Variants in PTPRN2 observed in about 807,000 individuals in gnomAD.
The protein encoded by PTPRN2 is protein tyrosine phosphatase receptor type N2, also known as receptor-type tyrosine-protein phosphatase N2.
PTPRN2 carries 74 observed loss-of-function variants against 118.8 expected under a neutral mutation model. The observed-to-expected ratio is 0.62, with a 90% CI of 0.52 to 0.76. The LOEUF is 0.76. PTPRN2 is among the 30% of genes least tolerant of loss of function. The pLI, the probability that PTPRN2 is intolerant of heterozygous loss-of-function variation, is 0.00. For missense variants in PTPRN2, 1,481 were observed against 1,394.4 expected (o/e 1.06, Z -0.99); for synonymous variants, 641 against 608.0 (o/e 1.05, Z -0.80).
intron 6 of PTPRN2, among the ~76,000 whole-genome samples, chr7:158,156,216 A>G (rs755694588): frequency 3.0e-4 from 45 of 152,160 alleles, no homozygotes; most frequent in Non-Finnish European, 5.6e-4. Context: ...CCAGTCTGAC[A>G]CTTTCTCTAT....
intron 2 of PTPRN2, among the ~76,000 whole-genome samples, chr7:158,479,591 T>G (rs1820516176): frequency 6.6e-6 from 1 of 152,150 alleles, no homozygotes; most frequent in Admixed American, 6.5e-5. Flanking sequence ...GAATAATAAC[T>G]TTTGACACCT....
chr7:158,004,067 G>A (rs1420425013), intron 11 of PTPRN2, among the ~76,000 whole-genome samples: 1 of 152,156 alleles, frequency 6.6e-6, no homozygotes, highest in Non-Finnish European at 1.5e-5. Context: ...TCGGCTCCTC[G>A]TTTGGAAAAC....
At chr7:157,566,693 C>T (rs912145945) in intron 21 of PTPRN2, among the ~76,000 whole-genome samples, 7 of 152,274 alleles carry the variant, frequency 4.6e-5, no homozygotes, top group Non-Finnish European at 7.3e-5. Context: ...ATTGACATCA[C>T]ATGCCACAAT....
chr7:157,871,548 G>A (rs1312845584), intron 12 of PTPRN2, among the ~76,000 whole-genome samples: 1 of 152,024 alleles, frequency 6.6e-6, no homozygotes, highest in East Asian at 1.9e-4. Context: ...TCTATTGGCC[G>A]ACACCACCCC....
At chr7:158,244,292 A>G (rs1413755419) in intron 3 of PTPRN2, among the ~76,000 whole-genome samples, 4 of 152,242 alleles carry the variant, frequency 2.6e-5, no homozygotes, top group African/African-American at 4.8e-5. Context: ...GTAGTAGCAC[A>G]GAAGTTGGAA....
intron 17 of PTPRN2, among the ~76,000 whole-genome samples, chr7:157,579,576 C>T (rs547442050): frequency 4.6e-5 from 7 of 152,344 alleles, no homozygotes; most frequent in African/African-American, 1.2e-4. Context: ...CACTCGGCTC[C>T]GTGCCACCCA....
chr7:158,098,095 G>A (rs1814794863), intron 10 of PTPRN2, among the ~76,000 whole-genome samples: 1 of 152,336 alleles, frequency 6.6e-6, no homozygotes, highest in African/African-American at 2.4e-5. Context: ...GGGCCCGGGT[G>A]AGGCACAGGA....
intron 11 of PTPRN2, among the ~76,000 whole-genome samples, chr7:158,053,862 ACG>A (rs1809537628): frequency 1.4e-5 from 2 of 147,570 alleles, no homozygotes; most frequent in African/African-American, 5.3e-5. Context: ...GACTCCAGAG[ACG>A]CAGAGACCCC....
chr7:158,053,084 C>T (rs529687327), intron 11 of PTPRN2, among the ~76,000 whole-genome samples: 3 of 152,348 alleles, frequency 2.0e-5, no homozygotes, highest in African/African-American at 7.2e-5. Context: ...CAGTCTCTCT[C>T]AGTCCTGGGA....
intron 12 of PTPRN2, among the ~76,000 whole-genome samples, chr7:157,789,561 C>T (rs1804297242): frequency 1.3e-5 from 2 of 152,252 alleles, no homozygotes; most frequent in South Asian, 4.1e-4. Flanking sequence ...CAAGGGAATT[C>T]AGCCACACAC....
intron 12 of PTPRN2, among the ~76,000 whole-genome samples, chr7:157,814,004 C>A (rs972426962): frequency 6.6e-6 from 1 of 152,236 alleles, no homozygotes; most frequent in African/African-American, 2.4e-5. Flanking sequence ...GGGGATTGTT[C>A]TGCCCCAATG....
chr7:158,297,456 C>T (rs928073115), intron 3 of PTPRN2, among the ~76,000 whole-genome samples: 1 of 152,194 alleles, frequency 6.6e-6, no homozygotes, highest in Non-Finnish European at 1.5e-5. Flanking sequence ...TTCAGCAACC[C>T]TCAGCCCATG....
At chr7:158,202,735 T>C (rs1201491153) in intron 4 of PTPRN2, among the ~76,000 whole-genome samples, 1 of 152,204 alleles carries the variant, frequency 6.6e-6, no homozygotes, top group Non-Finnish European at 1.5e-5. Context: ...AAATCCAACC[T>C]ACAGAATGGT....
At chr7:157,756,275 CCAGGGCAAAT>C (rs71753633) in intron 12 of PTPRN2, among the ~76,000 whole-genome samples, 2,357 of 151,696 alleles carry the variant, frequency 0.016, 41 homozygotes, top group African/African-American at 0.039. Context: ...TCTGGGTAAA[CCAGGGCAAAT>C]TTTTTAATCT....
intron 12 of PTPRN2, among the ~76,000 whole-genome samples, chr7:157,832,340 G>A (rs1011525838): frequency 2.6e-5 from 4 of 152,190 alleles, no homozygotes; most frequent in Non-Finnish European, 5.9e-5. Flanking sequence ...TGGCTCCTCC[G>A]ACAGGCGGCA....
chr7:158,551,048 G>T (rs147152762), intron 1 of PTPRN2, among the ~76,000 whole-genome samples: 253 of 152,380 alleles, frequency 1.7e-3, no homozygotes, highest in Non-Finnish European at 2.0e-3. Flanking sequence ...CTTGGAGAAG[G>T]AGGGAGGCAT....
chr7:157,877,334 T>G (rs1402155430), intron 12 of PTPRN2, among the ~76,000 whole-genome samples: 1 of 142,632 alleles, frequency 7.0e-6, no homozygotes, highest in African/African-American at 2.7e-5. Flanking sequence ...AGCACCAGGG[T>G]TTTCTCGGGG....
rs756808991 is a variant in PTPRN2, at chr7:158,192,397, G to T, written c.479C>A (p.Ala160Asp). The change falls in exon 5 of 23, where the codon GCC becomes GAC. Residue 160 changes from alanine to aspartate, a missense_variant. Physicochemically the swap from Ala to Asp is moderately radical, Grantham distance 126. Transcript: ENST00000389418. ...ALRRHLPFLE[A>D]LSQAPASDVL... ...GTCTGAGGCTGGGGCCTGGGACAGGGCCTCCAGGAAGGGCAGGTGGCGTCG... is the reference window on the plus strand; with the variant it reads ...GTCTGAGGCTGGGGCCTGGGACAGGTCCTCCAGGAAGGGCAGGTGGCGTCG... 6.5e-7 allele frequency: 1 copy of T among 1,533,602 alleles called. No individual in the cohort carries two copies. The highest frequency in any genetic ancestry group is 8.7e-7 in the Non-Finnish European group (1 of 1,151,298). 95.0% of individuals were successfully genotyped at this position (1,533,602 alleles called of 1,614,324 possible).
chr7:158,114,612 G>A (rs149412045), intron 9 of PTPRN2, among the ~76,000 whole-genome samples: 3,243 of 152,276 alleles, frequency 0.021, 57 homozygotes, highest in Non-Finnish European at 0.031. Context: ...AGGAGCCAGC[G>A]GCCCCCGGCA....
Sources: allele counts gnomAD v4.1 joint callset (sites outside exome capture counted in the v4.1 genomes callset), GRCh38; gene constraint gnomAD v4.1.1; transcripts MANE v1.5; gene names NCBI Gene and HGNC (gene_info 2026-07-23, HGNC 2026-07-21).